PRIMPOL: variants seen among roughly 807,000 people sequenced by gnomAD.
PRIMPOL encodes the protein DNA-directed primase/polymerase protein.
Under a neutral mutation model 63.6 loss-of-function variants are expected in PRIMPOL, and 54 were observed. The observed-to-expected ratio is 0.85, with a 90% CI of 0.68 to 1.07. The LOEUF (loss-of-function observed/expected upper bound fraction) is 1.07, where lower values mean the gene tolerates loss of function less well. Among genes scored for constraint, PRIMPOL ranks in the 50% least tolerant of loss-of-function variants. The pLI is 0.00. For missense variants in PRIMPOL, 610 were observed against 648.3 expected, an observed-to-expected ratio of 0.94 and a Z score of 0.64; for synonymous variants, 197 against 220.2, an observed-to-expected ratio of 0.89 and a Z score of 0.93.
intron 5 of PRIMPOL, among the ~76,000 whole-genome samples, chr4:184,663,929 C>T (rs959027605): frequency 2.6e-5 from 4 of 152,112 alleles, no homozygotes; most frequent in African/African-American, 9.7e-5. Context: ...GCTAATTTAG[C>T]AGATGGTTAA....
intron 11 of PRIMPOL, among the ~76,000 whole-genome samples, chr4:184,691,049 T>C (rs533818047): frequency 6.6e-6 from 1 of 152,380 alleles, no homozygotes; most frequent in African/African-American, 2.4e-5. Flanking sequence ...GCTTCATATT[T>C]ACCTATTAGA....
chr4:184,665,986 T>G lies in PRIMPOL; in HGVS notation c.478T>G (p.Ser160Ala). Residue 160 changes from serine to alanine, a missense_variant, in exon 6 of 14, where the codon TCT becomes GCT. Coordinates refer to ENST00000314970, the MANE Select transcript of PRIMPOL (RefSeq NM_152683.4). ...CSAEDVLNLD[S>A]STDEKFSRHL... ...AGCTGAAGATGTTTTGAACTTGGAT[T>G]CTAGCACTGATGAAAAATTCAGCCG... 1 of 1,610,468 alleles carries G rather than the reference T, an allele frequency of 6.2e-7. No individual in the cohort carries two copies. Among genetic ancestry groups the G allele is most frequent in the Non-Finnish European group, 8.5e-7 (1 of 1,176,836 alleles).
chr4:184,661,186 A>G (rs543642176), intron 4 of PRIMPOL, among the ~76,000 whole-genome samples: 36 of 152,338 alleles, frequency 2.4e-4, no homozygotes, highest in African/African-American at 8.2e-4. Context: ...CACAATATCA[A>G]ACTCATCTGT....
At chr4:184,665,195 TC>T (rs145235894) in intron 5 of PRIMPOL, among the ~76,000 whole-genome samples, 6,496 of 152,276 alleles carry the variant, frequency 0.043, 454 homozygotes, top group African/African-American at 0.15. Flanking sequence ...GCTAAAAATT[TC>T]CATTTTCTTT....
At chr4:184,659,036 A>G (rs1373553579) in intron 3 of PRIMPOL, among the ~76,000 whole-genome samples, 1 of 152,206 alleles carries the variant, frequency 6.6e-6, no homozygotes, top group Admixed American at 6.5e-5. Flanking sequence ...TAAACTAAGA[A>G]ATAAAACTAT....
chr4:184,666,796 T>G (rs1881083), intron 6 of PRIMPOL, among the ~76,000 whole-genome samples: 26,517 of 152,204 alleles, frequency 0.17, 3,521 homozygotes, highest in East Asian at 0.7. Context: ...CAGGCAGAGC[T>G]TCAGGGTTGG....
intron 6 of PRIMPOL, among the ~76,000 whole-genome samples, chr4:184,671,783 C>T (rs2150089841): frequency 2.7e-5 from 4 of 149,896 alleles, no homozygotes; most frequent in Admixed American, 2.7e-4. Flanking sequence ...CACTCTGTCA[C>T]CCAGGCTGGA....
intron 11 of PRIMPOL, among the ~76,000 whole-genome samples, chr4:184,687,429 C>T (rs150377038): frequency 1.1e-4 from 17 of 152,140 alleles, no homozygotes; most frequent in Non-Finnish European, 1.9e-4. Flanking sequence ...TTGTATCTGC[C>T]GCCCACCTTA....
At chr4:184,678,079 A>T (rs1754580358) in intron 7 of PRIMPOL, among the ~76,000 whole-genome samples, 153 bp from the exon 8 acceptor site, 1 of 152,156 alleles carries the variant, frequency 6.6e-6, no homozygotes, top group Non-Finnish European at 1.5e-5. Flanking sequence ...AATTTGTTTT[A>T]ATTTATATAG....
chr4:184,682,062 A>G (rs1411172429), intron 8 of PRIMPOL, among the ~76,000 whole-genome samples, 186 bp from the exon 9 acceptor site: 10 of 151,984 alleles, frequency 6.6e-5, no homozygotes, highest in East Asian at 1.9e-4. Flanking sequence ...GACAAATCAT[A>G]TTTTTTTTAT....
chr4:184,680,217 T>G (rs945670248), intron 8 of PRIMPOL, among the ~76,000 whole-genome samples: 3 of 151,966 alleles, frequency 2.0e-5, no homozygotes, highest in Non-Finnish European at 2.9e-5. Context: ...TGAGACAGTC[T>G]TGCTCTGTGG....
chr4:184,691,422 T>C (rs2150171825), intron 11 of PRIMPOL, 77 bp from the exon 12 acceptor site: 1 of 827,780 alleles, frequency 1.2e-6, no homozygotes, highest in East Asian at 2.6e-5. Flanking sequence ...GCATATTTCT[T>C]GGAACAGCAT....
intron 2 of PRIMPOL, among the ~76,000 whole-genome samples, chr4:184,653,182 T>A (rs966807451): frequency 6.6e-6 from 1 of 151,280 alleles, no homozygotes; most frequent in African/African-American, 2.4e-5. Context: ...CCAGGCTGGC[T>A]TCAGGTCCCC....
chr4:184,690,262 C>T (rs2696036), intron 11 of PRIMPOL, among the ~76,000 whole-genome samples: 35,488 of 152,052 alleles, frequency 0.23, 5,145 homozygotes, highest in East Asian at 0.7. Flanking sequence ...TTTACAAAAA[C>T]TTTCAAAGTT....
chr4:184,667,319 C>CT (rs10661298), intron 6 of PRIMPOL, among the ~76,000 whole-genome samples: 41 of 150,400 alleles, frequency 2.7e-4, no homozygotes, highest in Non-Finnish European at 3.0e-4. Flanking sequence ...GAAAGTGAGA[C>CT]TTTTTTTTTG....
At chr4:184,651,215 C>T (rs181378393) in intron 1 of PRIMPOL, among the ~76,000 whole-genome samples, 142 of 151,810 alleles carry the variant, frequency 9.4e-4, no homozygotes, top group African/African-American at 3.1e-3. Flanking sequence ...CGCTTGAACC[C>T]GGGAGGCAGA....
intron 8 of PRIMPOL, 29 bp downstream of exon 8, chr4:184,678,423 G>T: frequency 1.3e-6 from 2 of 1,504,610 alleles, no homozygotes; most frequent in Non-Finnish European, 1.8e-6. Flanking sequence ...AAACCATTTT[G>T]TATTCATGAA....
chr4:184,657,024 A>G (rs1746648148), intron 2 of PRIMPOL, 58 bp from the exon 3 acceptor site: 3 of 777,872 alleles, frequency 3.9e-6, no homozygotes, highest in Non-Finnish European at 5.5e-6. Context: ...AACTTTATCA[A>G]ACAAAATATA....
intron 7 of PRIMPOL, among the ~76,000 whole-genome samples, chr4:184,677,313 G>A (rs866647185): frequency 1.2e-3 from 184 of 152,054 alleles, no homozygotes; most frequent in African/African-American, 4.1e-3. Context: ...TGCTTATTGG[G>A]TGAGGAGGAG....
Sources: allele counts gnomAD v4.1 joint callset (sites outside exome capture counted in the v4.1 genomes callset), GRCh38; gene constraint gnomAD v4.1.1; transcripts MANE v1.5; gene names NCBI Gene and HGNC (gene_info 2026-07-23, HGNC 2026-07-21).